The following EIF4E variants were observed in gnomAD, a reference collection of about 807,000 sequenced individuals.
The protein encoded by EIF4E is eIF-4F 25 kDa subunit.
For missense variants in EIF4E, 113 were observed against 265.6 expected, an observed-to-expected ratio of 0.43 and a Z score of 3.99; for synonymous variants, 71 against 88.5, an observed-to-expected ratio of 0.80 and a Z score of 1.11.
intron 1 of EIF4E, among the ~76,000 whole-genome samples, chr4:98,908,401 GCTTCCTTATATTACCC>G (rs961758082): frequency 6.6e-6 from 1 of 152,156 alleles, no homozygotes; most frequent in Non-Finnish European, 1.5e-5. Flanking sequence ...ATCCAGTAGT[GCTTCCTTATATTACCC>G]CTTCCTTCAC....
In EIF4E at chr4:98,914,655, T is replaced by G. The variant is rs116145868; in HGVS notation, c.19-12673A>C. On this transcript the variant is annotated intron_variant, in intron 1 of 6. Transcript: ENST00000450253. ...GGTATAAACAAGCAGAACAGAGGAT[T>G]TTTAGGGCTTAGTAAAATTATTCTG... is the stretch of plus-strand genomic sequence containing the variant. Among the ~76,000 whole-genome samples, 939 of 152,090 alleles carry G rather than the reference T, an allele frequency of 6.2e-3. 8 individuals carry two copies. Among genetic ancestry groups the G allele is most frequent in the African/African-American group, 0.021 (892 of 41,496 alleles).
At position 98,887,021 on chromosome 4, in the gene EIF4E, T is replaced by G; in HGVS notation, c.399+58A>C. ...TAACAAATGTAAAACATAACATATCTTAAGTATCAGTATTCCAAAACTACC... is the reference window on the plus strand; with the variant it reads ...TAACAAATGTAAAACATAACATATCGTAAGTATCAGTATTCCAAAACTACC... On this transcript the variant is annotated intron_variant, in intron 5 of 6. Transcript: ENST00000450253. This position sits in a 1 kb window ranked among gnomAD's most constrained non-coding sequence, Gnocchi z 4.0. 1 of 1,503,058 alleles carries G rather than the reference T, an allele frequency of 6.7e-7. No homozygotes were observed. Among genetic ancestry groups the G allele is most frequent in the Admixed American group, 1.7e-5 (1 of 59,798 alleles). The allele number at this position is 1,503,058 out of a possible 1,614,324, so 93.1% of individuals were successfully genotyped here. A position where few individuals can be genotyped will look rare whatever the true frequency, so the allele number is the denominator to read the frequency against.
In EIF4E at chr4:98,907,821, G is replaced by A. The variant is rs143328510; in HGVS notation, c.19-5839C>T. On this transcript the variant is annotated intron_variant, in intron 1 of 6. Coordinates refer to ENST00000450253, the MANE Select transcript of EIF4E (RefSeq NM_001968.5). ...AGTTTCTTCCCTTGTAAAAAGTGCCGTGTGGGTTTTCATCAACAATCCAAG... is the reference window on the plus strand; with the variant it reads ...AGTTTCTTCCCTTGTAAAAAGTGCCATGTGGGTTTTCATCAACAATCCAAG... 4.6e-5 allele frequency among the ~76,000 whole-genome samples: 7 copies of A among 152,258 alleles called. No homozygotes were observed. The South Asian group carries it at 6.2e-4, about 13-fold the overall frequency.
At chr4:98,909,511 C>CA in intron 1 of EIF4E, 3 of 590,136 alleles carry the variant, frequency 5.1e-6, no homozygotes, top group South Asian at 2.4e-5. Context: ...TGATTTAATG[C>CA]AAAAAACACC....
At position 98,928,766 on chromosome 4, in the gene EIF4E, G is replaced by A. The variant is rs983520984; in HGVS notation, c.18+329C>T. The A allele has an allele frequency of 4.7e-6, 6 of 1,288,316 alleles. No individual in the cohort carries two copies. The African/African-American group carries it at 9.1e-5, about 19-fold the overall frequency. 79.8% of individuals were successfully genotyped at this position (1,288,316 alleles called of 1,614,324 possible). The stretch of plus-strand genomic sequence containing the variant: ...AGCCGGCCCTGCGCCTTCCTATCAT[G>A]AAGACACCATCCTCGCATACCCAGC... On this transcript the variant is annotated intron_variant, in intron 1 of 6. Transcript: ENST00000450253.
chr4:98,899,105 T>A (rs11735758), intron 2 of EIF4E, among the ~76,000 whole-genome samples: 28,730 of 151,380 alleles, frequency 0.19, 3,652 homozygotes, highest in Non-Finnish European at 0.28. Flanking sequence ...AGACAAATGA[T>A]ATGGATAACC....
chr4:98,890,070 C>T (rs1236339416), intron 3 of EIF4E, among the ~76,000 whole-genome samples: 2 of 152,084 alleles, frequency 1.3e-5, no homozygotes, highest in Admixed American at 6.5e-5. Flanking sequence ...CAAATACTCT[C>T]AAAGTTTATG....
At chr4:98,889,893 G>C (rs1330763566) in intron 3 of EIF4E, among the ~76,000 whole-genome samples, 2 of 152,076 alleles carry the variant, frequency 1.3e-5, no homozygotes, top group Admixed American at 6.5e-5. Context: ...CAAAACTAGA[G>C]AAGAAAAACT....
intron 6 of EIF4E, 33 bp from the exon 7 acceptor site, chr4:98,881,175 T>A (rs751767073): frequency 1.2e-6 from 2 of 1,604,930 alleles, no homozygotes; most frequent in African/African-American, 1.3e-5. Context: ...AAGAAAAAAG[T>A]AGTCATTAAC....
At position 98,914,392 on chromosome 4, in the gene EIF4E, C is replaced by CT. The variant is rs61194368; in HGVS notation, c.19-12411dup. 5.7e-3 allele frequency among the ~76,000 whole-genome samples: 691 copies of CT among 120,736 alleles called. 6 individuals are homozygous for CT. Among genetic ancestry groups the CT allele is most frequent in the African/African-American group, 0.015 (484 of 32,356 alleles). 79.2% of individuals were successfully genotyped at this position (120,736 alleles called of 152,430 possible). Reference sequence around the variant, plus strand: ...AAAAAAAAAAAAAAAAAAAAAAGCACTTTTTTTTTTTGCTTTTGACCTATT... The same window carrying CT: ...AAAAAAAAAAAAAAAAAAAAAAGCACTTTTTTTTTTTTGCTTTTGACCTATT... On this transcript the variant is annotated intron_variant, in intron 1 of 6. Transcript: ENST00000450253.
At chr4:98,921,028 C>T (rs139925711) in intron 1 of EIF4E, among the ~76,000 whole-genome samples, 1 of 152,104 alleles carries the variant, frequency 6.6e-6, no homozygotes. Flanking sequence ...ATAAAAATAA[C>T]TTGCCTTGCT....
At chr4:98,925,704 G>A (rs567265453) in intron 1 of EIF4E, among the ~76,000 whole-genome samples, 43 of 152,174 alleles carry the variant, frequency 2.8e-4, no homozygotes, top group Non-Finnish European at 5.0e-4. Flanking sequence ...ACCTATGCAT[G>A]ATGGGATAAG....
chr4:98,916,928 T>C (rs750929363), intron 1 of EIF4E, among the ~76,000 whole-genome samples: 43 of 152,056 alleles, frequency 2.8e-4, no homozygotes, highest in Non-Finnish European at 5.7e-4. Flanking sequence ...ATCAGGAACA[T>C]GGTAAAAGGA....
At chr4:98,927,260 G>A (rs1233966212) in intron 1 of EIF4E, among the ~76,000 whole-genome samples, 2 of 152,192 alleles carry the variant, frequency 1.3e-5, no homozygotes, top group Admixed American at 6.5e-5. Flanking sequence ...AGCAAGCAGA[G>A]AAGCTGCCTT....
intron 1 of EIF4E, among the ~76,000 whole-genome samples, chr4:98,903,205 C>T (rs142947678): frequency 5.5e-4 from 84 of 151,756 alleles, no homozygotes; most frequent in African/African-American, 2.0e-3. Context: ...AGACTGATAC[C>T]AAAAAAAGGG....
At chr4:98,882,094 TA>T (rs1723715442) in intron 6 of EIF4E, among the ~76,000 whole-genome samples, 1 of 152,172 alleles carries the variant, frequency 6.6e-6, no homozygotes, top group Non-Finnish European at 1.5e-5. Context: ...TAGGTCATCT[TA>T]AAAATTTGAA....
chr4:98,900,855 T>C (rs1051746697), intron 2 of EIF4E, among the ~76,000 whole-genome samples: 3 of 152,214 alleles, frequency 2.0e-5, no homozygotes, highest in African/African-American at 4.8e-5. Context: ...CTGTCCCCTT[T>C]TCTAGTCTCT....
intron 2 of EIF4E, among the ~76,000 whole-genome samples, chr4:98,901,429 C>A (rs987594618): frequency 1.3e-5 from 2 of 152,024 alleles, no homozygotes; most frequent in Non-Finnish European, 2.9e-5. Context: ...AAACTCCTGA[C>A]CTCAGGTGAT....
rs1302139590 is a variant in EIF4E, at chr4:98,887,208, A to G, written c.286-16T>C. On this transcript the variant is annotated splice_polypyrimidine_tract_variant and intron_variant, in intron 4 of 6. Transcript: ENST00000450253. The surrounding 1 kb of genome is among the most constrained non-coding windows in gnomAD (Gnocchi z 4.0). ...CAATACCATCCTACAGGGTTAGAAG[A>G]CAACAGTATTACACAACATTGTTAC... 6.2e-7 allele frequency: 1 copy of G among 1,610,252 alleles called. No homozygotes were observed. Among genetic ancestry groups the G allele is most frequent in the Non-Finnish European group, 8.5e-7 (1 of 1,176,654 alleles).
Sources: allele counts gnomAD v4.1 joint callset (sites outside exome capture counted in the v4.1 genomes callset), GRCh38; gene constraint gnomAD v4.1.1; non-coding constraint Gnocchi (gnomAD v3.1); transcripts MANE v1.5; gene names NCBI Gene and HGNC (gene_info 2026-07-23, HGNC 2026-07-21).